Variants in LRP1B observed in about 807,000 individuals in gnomAD.
LRP1B encodes LDL receptor related protein 1B, also known as low-density lipoprotein receptor-related protein 1B.
A neutral mutation model predicts 556.6 loss-of-function variants in LRP1B; 217 were observed. That is an observed-to-expected ratio of 0.39 (90% confidence interval 0.35 to 0.44). The LOEUF (loss-of-function observed/expected upper bound fraction) is 0.44, where lower values mean the gene tolerates loss of function less well. Ranked by LOEUF, LRP1B falls within the 20% of genes least tolerant of loss-of-function variation. The pLI, the probability that LRP1B is intolerant of heterozygous loss-of-function variation, is 1.00. For missense variants in LRP1B, 5,053 were observed against 5,620.8 expected, an observed-to-expected ratio of 0.90 and a Z score of 3.23; for synonymous variants, 2,047 against 1,865.8, an observed-to-expected ratio of 1.10 and a Z score of -2.50.
intron 11 of LRP1B, among the ~76,000 whole-genome samples, chr2:141,037,607 T>C (rs1698570947): frequency 6.6e-6 from 1 of 151,984 alleles, no homozygotes; most frequent in Non-Finnish European, 1.5e-5. Flanking sequence ...TCCCAGAGTA[T>C]ATTGGGGCAA....
At chr2:141,403,287 CA>C (rs1264863844) in intron 3 of LRP1B, among the ~76,000 whole-genome samples, 1 of 152,032 alleles carries the variant, frequency 6.6e-6, no homozygotes, top group Non-Finnish European at 1.5e-5. Context: ...ATAAAATTAT[CA>C]GTTTCTATTT....
intron 89 of LRP1B, 186 bp from the exon 90 acceptor site, chr2:140,235,070 A>T: frequency 2.5e-6 from 1 of 402,852 alleles, no homozygotes; most frequent in Non-Finnish European, 4.4e-6. Context: ...ATATTATTAA[A>T]GATCCAATAT....
chr2:142,108,401 T>A (rs1363267399), intron 1 of LRP1B, among the ~76,000 whole-genome samples: 1 of 142,216 alleles, frequency 7.0e-6, no homozygotes, highest in Non-Finnish European at 1.5e-5. Context: ...AAGAGTGTAA[T>A]TTGCAAGTAA....
intron 1 of LRP1B, among the ~76,000 whole-genome samples, chr2:142,013,730 T>C (rs1313650210): frequency 1.3e-5 from 2 of 152,116 alleles, no homozygotes; most frequent in Non-Finnish European, 2.9e-5. Flanking sequence ...CTAATATTAA[T>C]TATAATTTTA....
At chr2:140,932,343 C>G (rs1695074333) in intron 20 of LRP1B, among the ~76,000 whole-genome samples, 1 of 152,026 alleles carries the variant, frequency 6.6e-6, no homozygotes, top group Non-Finnish European at 1.5e-5. Context: ...AAACTAATTC[C>G]AGTCTACCAC....
At chr2:140,853,398 A>G (rs1352798713) in intron 27 of LRP1B, among the ~76,000 whole-genome samples, 1 of 152,126 alleles carries the variant, frequency 6.6e-6, no homozygotes, top group Non-Finnish European at 1.5e-5. Flanking sequence ...CCTATGTCAT[A>G]TAATACTTGT....
chr2:140,283,117 A>G (rs1446452642), intron 84 of LRP1B, among the ~76,000 whole-genome samples: 1 of 151,800 alleles, frequency 6.6e-6, no homozygotes, highest in East Asian at 1.9e-4. Context: ...TTCATCTAGC[A>G]TGGCTTAGGA....
chr2:141,501,914 C>CT (rs10714386), intron 2 of LRP1B, among the ~76,000 whole-genome samples: 2 of 151,294 alleles, frequency 1.3e-5, no homozygotes, highest in African/African-American at 2.4e-5. Flanking sequence ...ACAACTATGG[C>CT]TTTTTTTTTT....
At chr2:141,675,442 G>A (rs1451756865) in intron 2 of LRP1B, among the ~76,000 whole-genome samples, 1 of 151,748 alleles carries the variant, frequency 6.6e-6, no homozygotes, top group African/African-American at 2.4e-5. Context: ...GTAGTAAGAG[G>A]TCATGTTCAT....
rs116325715 is a variant in LRP1B at position 140,275,258 on chromosome 2, G to T, written c.12968-660C>A. Among the ~76,000 whole-genome samples the T allele has an allele frequency of 1.7e-3, 265 of 152,110 alleles. 1 individual carries two copies. The highest frequency in any genetic ancestry group is 5.8e-3 in the African/African-American group (239 of 41,538). ...TCAATTAAGCAGTCTACCTGCTCTT[G>T]TTACCCAATAAATAGGAAGGGCTGT... On this transcript the variant is annotated intron_variant, in intron 84 of 90. Coordinates refer to ENST00000389484, the MANE Select transcript of LRP1B (RefSeq NM_018557.3).
intron 1 of LRP1B, among the ~76,000 whole-genome samples, chr2:141,865,397 C>A (rs1698375822): frequency 6.6e-6 from 1 of 151,418 alleles, no homozygotes; most frequent in African/African-American, 2.4e-5. Flanking sequence ...TCGAGACCAT[C>A]CCGGCTAAAA....
intron 43 of LRP1B, among the ~76,000 whole-genome samples, chr2:140,574,764 T>A (rs1432092521): frequency 6.6e-6 from 1 of 152,204 alleles, no homozygotes; most frequent in Non-Finnish European, 1.5e-5. Flanking sequence ...TCCCTTTAAC[T>A]GAATTTTGAT....
chr2:141,116,082 T>C (rs1015814374), intron 7 of LRP1B, among the ~76,000 whole-genome samples: 3 of 152,158 alleles, frequency 2.0e-5, no homozygotes, highest in African/African-American at 7.2e-5. Context: ...ATTTAAAGAA[T>C]GAGTTCTTTA....
chr2:141,261,886 A>T (rs764326076), intron 3 of LRP1B, among the ~76,000 whole-genome samples: 1 of 152,084 alleles, frequency 6.6e-6, no homozygotes, highest in African/African-American at 2.4e-5. Context: ...ATAGGTTATT[A>T]TTTTATTTGG....
In LRP1B at chr2:141,315,208, A is replaced by C. The variant is rs542408199; in HGVS notation, c.344-60567T>G. On this transcript the variant is annotated intron_variant, in intron 3 of 90. Transcript: ENST00000389484. ...CAAATATGAAAAATGAACATAATAA[A>C]GTCTACCAATCAAGATTGTTGTGAG... 6.0e-3 allele frequency among the ~76,000 whole-genome samples: 645 copies of C among 107,502 alleles called. 1 individual carries two copies. The highest frequency in any genetic ancestry group is 0.019 in the African/African-American group (580 of 31,128). The allele number at this position is 107,502 out of a possible 152,430, so 70.5% of individuals were successfully genotyped here.
chr2:140,628,572 C>T (rs1683761732), intron 41 of LRP1B, among the ~76,000 whole-genome samples: 1 of 151,582 alleles, frequency 6.6e-6, no homozygotes, highest in African/African-American at 2.4e-5. Context: ...TCCAAGCTCA[C>T]TCACACTACA....
chr2:141,405,395 T>G (rs999471875), intron 3 of LRP1B, among the ~76,000 whole-genome samples: 3 of 152,160 alleles, frequency 2.0e-5, no homozygotes, highest in African/African-American at 4.8e-5. Flanking sequence ...TGATTGGTAT[T>G]ATTATAGAAC....
chr2:141,447,096 G>T (rs1442141319), intron 3 of LRP1B, among the ~76,000 whole-genome samples: 1 of 151,838 alleles, frequency 6.6e-6, no homozygotes, highest in African/African-American at 2.4e-5. Flanking sequence ...ATTTCTTGGG[G>T]GCTTTGTTTG....
chr2:140,380,803 T>C (rs1683438035), intron 67 of LRP1B, among the ~76,000 whole-genome samples: 1 of 152,154 alleles, frequency 6.6e-6, no homozygotes, highest in Non-Finnish European at 1.5e-5. Flanking sequence ...TTGATGTAGG[T>C]TAAAAAAAGT....
Sources: gnomAD v4.1 joint callset for allele counts (sites outside exome capture counted in the v4.1 genomes callset) on GRCh38, gnomAD v4.1.1 for gene constraint, MANE v1.5 for transcripts, NCBI Gene and HGNC (gene_info 2026-07-23, HGNC 2026-07-21) for gene names.